The following FREM2 variants were observed in gnomAD, a reference collection of about 807,000 sequenced individuals.
The protein encoded by FREM2 is FRAS1 related extracellular matrix 2.
A neutral mutation model predicts 219.9 loss-of-function variants in FREM2; 119 were observed. The ratio of observed to expected loss-of-function variants is 0.54; its 90% confidence interval spans 0.47 to 0.63. The LOEUF is 0.63. FREM2 is among the 30% of genes least tolerant of loss of function. The probability of loss-of-function intolerance (pLI) is 0.00; values close to 1 mark genes in which losing one functional copy is unlikely to be tolerated. For synonymous variants in FREM2, 1,562 were observed against 1,522.8 expected (o/e 1.03, Z -0.60); for missense variants, 4,030 against 3,993.6 (o/e 1.01, Z -0.25).
intron 6 of FREM2, among the ~76,000 whole-genome samples, chr13:38,834,886 C>T (rs1482019092): frequency 6.6e-6 from 1 of 152,146 alleles, no homozygotes; most frequent in Non-Finnish European, 1.5e-5. Context: ...GATTTTCTCC[C>T]ATTCTGTAGG....
intron 2 of FREM2, among the ~76,000 whole-genome samples, chr13:38,731,155 C>A (rs1418302454): frequency 1.3e-5 from 2 of 152,162 alleles, no homozygotes; most frequent in Non-Finnish European, 2.9e-5. Flanking sequence ...GAAAACACTT[C>A]AGACATTGCA....
At chr13:38,730,812 G>A (rs1443884958) in intron 2 of FREM2, among the ~76,000 whole-genome samples, 2 of 152,088 alleles carry the variant, frequency 1.3e-5, no homozygotes, top group Non-Finnish European at 2.9e-5. Flanking sequence ...ATTATTGTTT[G>A]TGTATTAAAG....
intron 2 of FREM2, among the ~76,000 whole-genome samples, chr13:38,748,116 G>A (rs974686932): frequency 6.6e-6 from 1 of 151,978 alleles, no homozygotes; most frequent in African/African-American, 2.4e-5. Context: ...TCCCGCATTT[G>A]ACTAATTAAA....
rs1878524525 is a variant in FREM2 at position 38,880,937 on chromosome 13, A to G, written c.*150A>G. The G allele has an allele frequency of 1.1e-6, 1 of 952,308 alleles. No homozygotes were observed. Among genetic ancestry groups the G allele is most frequent in the Non-Finnish European group, 1.6e-6 (1 of 618,406 alleles). 59.0% of individuals were successfully genotyped at this position (952,308 alleles called of 1,614,324 possible). A position where few individuals can be genotyped will look rare whatever the true frequency, so the allele number is the denominator to read the frequency against. On this transcript the variant is annotated 3_prime_UTR_variant, in exon 24 of 24. Coordinates refer to ENST00000280481, the MANE Select transcript of FREM2 (RefSeq NM_207361.6). ...GACTGTACTAATGGAGTTTGATTTGAATTCTCCATACTCTTTTTTGCATCA... is the reference window on the plus strand; with the variant it reads ...GACTGTACTAATGGAGTTTGATTTGGATTCTCCATACTCTTTTTTGCATCA...
Position 38,687,828 on chromosome 13 carries a change from G to T in FREM2, c.484G>T (p.Gly162Trp). ...GCAGCTGCGCTATGACGCGCCCGGA[G>T]GGGCAGTAGTGCTACCACTGGTACT... ...RLQLRYDAPG[G>W]AVVLPLVLEV... Residue 162 changes from glycine to tryptophan, a missense_variant, in exon 1 of 24, where the codon GGG (glycine) becomes TGG (tryptophan). Gly to Trp is a radical substitution (Grantham distance 184). Around this residue, in one of 2 missense-constraint regions of FREM2, gnomAD observed 3,102 missense variants for 2,950.7 expected, o/e 1.05. Coordinates refer to ENST00000280481, the MANE Select transcript of FREM2 (RefSeq NM_207361.6). The T allele has an allele frequency of 6.5e-7, 1 of 1,544,660 alleles. No homozygotes were observed. Among genetic ancestry groups the T allele is most frequent in the East Asian group, 2.3e-5 (1 of 43,366 alleles).
rs114102529 is a variant in FREM2, at chr13:38,807,553, A to G, written c.6019+22745A>G. Among the ~76,000 whole-genome samples the G allele has an allele frequency of 6.6e-3, 1,009 of 151,866 alleles. 8 individuals are homozygous for G. Among genetic ancestry groups the G allele is most frequent in the African/African-American group, 0.023 (950 of 41,490 alleles). On this transcript the variant is annotated intron_variant, in intron 6 of 23. Transcript: ENST00000280481. ...CAAAGTTGAAATGACTCCTTAATCC[A>G]TGGGCTGCAGAATGGATGTTATATT...
chr13:38,741,539 T>G (rs1872248984), intron 2 of FREM2, among the ~76,000 whole-genome samples: 1 of 152,180 alleles, frequency 6.6e-6, no homozygotes, highest in Non-Finnish European at 1.5e-5. Context: ...TGCAGACTGC[T>G]GTTGACTCAA....
intron 4 of FREM2, among the ~76,000 whole-genome samples, chr13:38,772,571 G>A (rs1566136661): frequency 6.6e-6 from 1 of 152,114 alleles, no homozygotes; most frequent in Non-Finnish European, 1.5e-5. Flanking sequence ...TCAGTCCCTT[G>A]TAGACATATG....
intron 2 of FREM2, among the ~76,000 whole-genome samples, chr13:38,753,973 T>TTTTTATTTTA (rs10661426): frequency 0.048 from 7,067 of 148,428 alleles, 341 homozygotes; most frequent in East Asian, 0.14. Flanking sequence ...TTTATTTTAT[T>TTTTTATTTTA]TTTTATTTTA....
At chr13:38,852,136 TC>T (rs1351643982) in intron 11 of FREM2, among the ~76,000 whole-genome samples, 1 of 151,996 alleles carries the variant, frequency 6.6e-6, no homozygotes, top group African/African-American at 2.4e-5. Context: ...CTCCTGCCAC[TC>T]CCCCACCCTC....
Position 38,689,405 on chromosome 13 carries a change from G to A in FREM2, c.2061G>A (p.Gln687=), listed in dbSNP as rs1222403183. The change falls in exon 1 of 24, where the codon CAG becomes CAA. Residue 687 remains glutamine (Q), a synonymous_variant. Coordinates refer to ENST00000280481, the MANE Select transcript of FREM2 (RefSeq NM_207361.6). Reference sequence around the variant, plus strand: ...ACCCTCCTAATCAGTCCGGGCTACAGCGGTTTGTGATTCGTATCCATCCTG... The same window carrying A: ...ACCCTCCTAATCAGTCCGGGCTACAACGGTTTGTGATTCGTATCCATCCTG... ...NHDPPNQSGL[Q]RFVIRIHPVD... 6.2e-7 allele frequency: 1 copy of A among 1,614,022 alleles called. No individual in the cohort carries two copies. The highest frequency in any genetic ancestry group is 8.5e-7 in the Non-Finnish European group (1 of 1,179,972).
At chr13:38,763,834 C>G (rs1203843028) in intron 2 of FREM2, among the ~76,000 whole-genome samples, 1 of 152,036 alleles carries the variant, frequency 6.6e-6, no homozygotes, top group African/African-American at 2.4e-5. Flanking sequence ...TTTGTTTTTC[C>G]TTAAGTGGTT....
At chr13:38,747,548 A>G (rs953651736) in intron 2 of FREM2, among the ~76,000 whole-genome samples, 3 of 152,070 alleles carry the variant, frequency 2.0e-5, no homozygotes, top group Admixed American at 1.3e-4. Flanking sequence ...CCTTGTCTAT[A>G]TAAATAACAT....
chr13:38,718,595 G>A (rs1052718454), intron 2 of FREM2, among the ~76,000 whole-genome samples: 2 of 152,124 alleles, frequency 1.3e-5, no homozygotes, highest in South Asian at 2.1e-4. Flanking sequence ...TGTACACAGC[G>A]TTTCTGTAGT....
chr13:38,766,074 A>G (rs2442361), intron 3 of FREM2, among the ~76,000 whole-genome samples: 135,747 of 152,204 alleles, frequency 0.89, 61,660 homozygotes, highest in Non-Finnish European at 0.99. Context: ...CGATTATTAA[A>G]AATAGGTTTA....
At chr13:38,697,593 A>T in intron 1 of FREM2, 105 bp from the exon 2 acceptor site, 1 of 730,246 alleles carries the variant, frequency 1.4e-6, no homozygotes, top group Non-Finnish European at 2.5e-6. Flanking sequence ...GGAAAAAGGA[A>T]TTTAAACATG....
chr13:38,718,613 A>G (rs1871102077), intron 2 of FREM2, among the ~76,000 whole-genome samples: 1 of 152,224 alleles, frequency 6.6e-6, no homozygotes, highest in African/African-American at 2.4e-5. Context: ...AGTATTTACT[A>G]ATGGCTCTCA....
chr13:38,873,558 G>A (rs1252138326), intron 17 of FREM2, among the ~76,000 whole-genome samples: 1 of 152,158 alleles, frequency 6.6e-6, no homozygotes, highest in East Asian at 1.9e-4. Flanking sequence ...TCGAGTTCGC[G>A]AGCATTTGCA....
intron 2 of FREM2, among the ~76,000 whole-genome samples, chr13:38,711,566 G>A (rs1234019541): frequency 6.6e-6 from 1 of 152,154 alleles, no homozygotes; most frequent in African/African-American, 2.4e-5. Context: ...TAGAATTATG[G>A]ATACCATATA....
Sources: gnomAD v4.1 joint callset for allele counts (sites outside exome capture counted in the v4.1 genomes callset) on GRCh38, gnomAD v4.1.1 for gene constraint, gnomAD v4.1.1 regional missense constraint, MANE v1.5 for transcripts, NCBI Gene and HGNC (gene_info 2026-07-23, HGNC 2026-07-21) for gene names.